Variants in SGMS1 observed in about 807,000 individuals in gnomAD.
The protein encoded by SGMS1 is sphingomyelin synthase 1.
Under a neutral mutation model 46.2 loss-of-function variants are expected in SGMS1, and 13 were observed. The ratio of observed to expected loss-of-function variants is 0.28; its 90% CI spans 0.18 to 0.45. The LOEUF (loss-of-function observed/expected upper bound fraction) is 0.45. SGMS1 is among the 20% of genes least tolerant of loss of function. SGMS1 has a pLI of 1.00. For missense variants in SGMS1, 324 were observed against 519.9 expected, an observed-to-expected ratio of 0.62 and a Z score of 3.66; for synonymous variants, 203 against 187.8, an observed-to-expected ratio of 1.08 and a Z score of -0.66.
At chr10:50,395,642 G>C (rs1848838997) in intron 6 of SGMS1, among the ~76,000 whole-genome samples, 1 of 152,172 alleles carries the variant, frequency 6.6e-6, no homozygotes, top group Non-Finnish European at 1.5e-5. Flanking sequence ...AGAAAGACTT[G>C]ATAAAGGTAA....
chr10:50,440,196 A>T (rs953843966), intron 5 of SGMS1, among the ~76,000 whole-genome samples: 2 of 151,968 alleles, frequency 1.3e-5, no homozygotes, highest in East Asian at 1.9e-4. Flanking sequence ...AGAGGTATCA[A>T]TAAAAGGGGT....
chr10:50,469,611 A>G (rs1255765955), intron 3 of SGMS1, among the ~76,000 whole-genome samples: 1 of 152,232 alleles, frequency 6.6e-6, no homozygotes, highest in African/African-American at 2.4e-5. Flanking sequence ...CTTTCAATTT[A>G]GGATGGAGCA....
chr10:50,576,046 C>A (rs1285517757), intron 2 of SGMS1, among the ~76,000 whole-genome samples: 1 of 152,044 alleles, frequency 6.6e-6, no homozygotes, highest in Admixed American at 6.6e-5. Context: ...TCTGGCATCA[C>A]TTCCCATGTT....
At chr10:50,359,215 T>C (rs1422131356) in intron 6 of SGMS1, among the ~76,000 whole-genome samples, 2 of 152,246 alleles carry the variant, frequency 1.3e-5, no homozygotes, top group African/African-American at 2.4e-5. Context: ...TTTAGGCTGT[T>C]AGAAGAGCCT....
chr10:50,477,361 C>T (rs758909468), intron 3 of SGMS1, among the ~76,000 whole-genome samples: 1 of 152,230 alleles, frequency 6.6e-6, no homozygotes, highest in African/African-American at 2.4e-5. Flanking sequence ...GGGCATATAC[C>T]CAATGCCTGT....
chr10:50,576,051 C>T (rs1334553242), intron 2 of SGMS1, among the ~76,000 whole-genome samples: 2 of 151,990 alleles, frequency 1.3e-5, no homozygotes, highest in African/African-American at 4.8e-5. Flanking sequence ...CATCACTTCC[C>T]ATGTTAGAGA....
chr10:50,600,867 T>G lies in SGMS1; in HGVS notation c.-683-10620A>C, dbSNP rs569229673. Among the ~76,000 whole-genome samples the G allele has an allele frequency of 2.1e-4, 32 of 152,122 alleles. No individual in the cohort carries two copies. In the South Asian group the frequency reaches 6.4e-3, roughly 31 times the overall value. On this transcript the variant is annotated intron_variant, in intron 1 of 10. Coordinates refer to ENST00000361781, the MANE Select transcript of SGMS1 (RefSeq NM_147156.4). ...TAGCCAAGAACCGAGTCTAGGAAGA[T>G]GAGGACAAATCAGAGGAGAGAAGCA...
Position 50,343,834 on chromosome 10 carries a change from G to C in SGMS1, c.281C>G (p.Pro94Arg), listed in dbSNP as rs1847865012. 3 of 1,614,176 alleles carry C rather than the reference G, an allele frequency of 1.9e-6. No homozygotes were observed. In the East Asian group the frequency reaches 6.7e-5, roughly 36 times the overall value. The change falls in exon 7 of 11, where the codon CCC becomes CGC. Residue 94 changes from proline (P) to arginine (R), a missense_variant. Physicochemically the swap from Pro to Arg is moderately radical, Grantham distance 103. This residue lies in a region of SGMS1 where 150 missense variants were observed against 169.8 expected (regional missense o/e 0.88). Transcript: ENST00000361781. ...HLNIGVDIPTPDGSFSIKIKP... is the reference protein window; with the variant it reads ...HLNIGVDIPTRDGSFSIKIKP... ...AATCTTGATGCTGAAGCTGCCGTCG[G>C]GGGTGGGGATGTCTACGCCAATGTT...
At chr10:50,511,913 A>AT (rs1360154954) in intron 3 of SGMS1, among the ~76,000 whole-genome samples, 1 of 152,100 alleles carries the variant, frequency 6.6e-6, no homozygotes, top group Non-Finnish European at 1.5e-5. Context: ...CTCTCTCTCC[A>AT]TTCTATACTA....
intron 2 of SGMS1, among the ~76,000 whole-genome samples, chr10:50,573,287 T>G (rs1470365190): frequency 6.6e-6 from 1 of 152,152 alleles, no homozygotes; most frequent in East Asian, 1.9e-4. Context: ...AACTATCTGT[T>G]TGCATATAAC....
intron 5 of SGMS1, among the ~76,000 whole-genome samples, chr10:50,444,725 T>C (rs78290505): frequency 2.7e-5 from 2 of 74,290 alleles, no homozygotes; most frequent in African/African-American, 2.1e-4. Flanking sequence ...ACCCCATTTA[T>C]TAAAAAAAAA....
At chr10:50,575,673 TGTG>T (rs2131866447) in intron 2 of SGMS1, among the ~76,000 whole-genome samples, 1 of 145,196 alleles carries the variant, frequency 6.9e-6, no homozygotes, top group African/African-American at 2.4e-5. Context: ...TTATCTCGAC[TGTG>T]GTGGTGGTAA....
intron 8 of SGMS1, among the ~76,000 whole-genome samples, chr10:50,318,052 G>A (rs187949965): frequency 1.2e-3 from 189 of 152,180 alleles, no homozygotes; most frequent in African/African-American, 4.2e-3. Flanking sequence ...AATGTCCACC[G>A]CCTTGGGCCT....
intron 1 of SGMS1, among the ~76,000 whole-genome samples, chr10:50,594,288 T>A (rs1367481174): frequency 6.6e-6 from 1 of 152,174 alleles, no homozygotes; most frequent in Non-Finnish European, 1.5e-5. Context: ...ACACTGCCCA[T>A]GGGTATAAGT....
At chr10:50,498,925 C>T (rs887891740) in intron 3 of SGMS1, among the ~76,000 whole-genome samples, 11 of 152,118 alleles carry the variant, frequency 7.2e-5, no homozygotes, top group Non-Finnish European at 1.3e-4. Context: ...TTTACATTCC[C>T]ACCAATAGTG....
At chr10:50,365,178 G>A (rs1422412803) in intron 6 of SGMS1, among the ~76,000 whole-genome samples, 2 of 149,916 alleles carry the variant, frequency 1.3e-5, no homozygotes, top group African/African-American at 4.9e-5. Context: ...TCTTGAACCC[G>A]GGAGGTGGAG....
chr10:50,362,191 T>C (rs570752613), intron 6 of SGMS1, among the ~76,000 whole-genome samples: 1 of 152,296 alleles, frequency 6.6e-6, no homozygotes, highest in South Asian at 2.1e-4. Context: ...CATAAAAATC[T>C]ACATAAAATA....
At chr10:50,351,943 T>C (rs907122351) in intron 6 of SGMS1, among the ~76,000 whole-genome samples, 2 of 152,200 alleles carry the variant, frequency 1.3e-5, no homozygotes, top group Non-Finnish European at 2.9e-5. Flanking sequence ...TATTGCCCAA[T>C]TCGGTCCACA....
intron 2 of SGMS1, among the ~76,000 whole-genome samples, chr10:50,560,204 T>C (rs562709346): frequency 6.9e-6 from 1 of 145,208 alleles, no homozygotes; most frequent in African/African-American, 2.5e-5. Context: ...GTATATATTA[T>C]ATATCGCATA....
Sources: gnomAD v4.1 joint callset for allele counts (sites outside exome capture counted in the v4.1 genomes callset) on GRCh38, gnomAD v4.1.1 for gene constraint, gnomAD v4.1.1 regional missense constraint, MANE v1.5 for transcripts, NCBI Gene and HGNC (gene_info 2026-07-23, HGNC 2026-07-21) for gene names.